Variants in ANK2 observed in about 807,000 individuals in gnomAD.
ANK2 encodes ankyrin 2, also known as ankyrin-2.
In ANK2, 83 loss-of-function variants were observed where a neutral mutation model predicts 360.5. The ratio of observed to expected loss-of-function variants is 0.23; its 90% CI spans 0.19 to 0.28. The LOEUF is 0.28. ANK2 is among the 10% of genes least tolerant of loss of function. The pLI is 1.00. For missense variants in ANK2, 4,201 were observed against 4,795.7 expected (o/e 0.88, Z 3.66); for synonymous variants, 1,740 against 1,759.5 (o/e 0.99, Z 0.28).
chr4:112,766,292 G>A, the ANK2 span, among the ~76,000 whole-genome samples: 8 of 151,398 alleles, frequency 5.3e-5, no homozygotes, highest in Non-Finnish European at 1.2e-4. Context: ...CTGCACTCCA[G>A]CCTGGCCACA....
rs536262490 is a variant in ANK2 at position 112,883,018 on chromosome 4, C to CTTTTTT, written c.-39-21404_-39-21399dup. Among the ~76,000 whole-genome samples, 21 of 30,526 alleles carry CTTTTTT rather than the reference C, an allele frequency of 6.9e-4. 1 individual carries two copies. Among genetic ancestry groups the CTTTTTT allele is most frequent in the Non-Finnish European group, 1.0e-3 (16 of 15,510 alleles). 20.0% of individuals were successfully genotyped at this position (30,526 alleles called of 152,430 possible). Reference sequence around the variant, plus strand: ...ACACTTTCTGGTTTACTTGGTTAGTCTTTTTTTTTTTTTTTTTTTTTTTTT... The same window carrying CTTTTTT: ...ACACTTTCTGGTTTACTTGGTTAGTCTTTTTTTTTTTTTTTTTTTTTTTTTTTTTTT... On this transcript the variant is annotated intron_variant, in intron 1 of 30. Coordinates refer to the ANK2 transcript ENST00000503271.
the ANK2 span, among the ~76,000 whole-genome samples, chr4:112,716,740 C>A: frequency 6.6e-6 from 1 of 152,134 alleles, no homozygotes; most frequent in Non-Finnish European, 1.5e-5. Flanking sequence ...CTCTAATAAT[C>A]TGTAAACATG....
chr4:112,888,721 C>T (rs114834125), intron 1 of ANK2, among the ~76,000 whole-genome samples: 1,943 of 152,330 alleles, frequency 0.013, 42 homozygotes, highest in African/African-American at 0.044. Flanking sequence ...GGCACTGGCA[C>T]TACCACTAGC....
At chr4:113,269,377 G>A (rs1030735554) in intron 14 of ANK2, among the ~76,000 whole-genome samples, 28 of 152,322 alleles carry the variant, frequency 1.8e-4, no homozygotes, top group Admixed American at 2.0e-4. Context: ...TCCCAGTTTT[G>A]TGCTTGAAAC....
At chr4:113,338,508 G>A (rs1478173711) in intron 31 of ANK2, among the ~76,000 whole-genome samples, 2 of 147,754 alleles carry the variant, frequency 1.4e-5, no homozygotes, top group Non-Finnish European at 3.0e-5. Flanking sequence ...CATAAAATAT[G>A]AAGTTTAAGA....
rs547502961 is a variant in ANK2 at position 113,345,712 on chromosome 4, T to C, written c.4249-188T>C. 2.0e-5 allele frequency among the ~76,000 whole-genome samples: 3 copies of C among 152,258 alleles called. No homozygotes were observed. In the South Asian group the frequency reaches 6.2e-4, roughly 32 times the overall value. ...TTTGTCTACCATACTTAAATAAGACTAAAAAAGAAAGCTGAATGATTTTTA... is the reference window on the plus strand; with the variant it reads ...TTTGTCTACCATACTTAAATAAGACCAAAAAAGAAAGCTGAATGATTTTTA... On this transcript the variant is annotated intron_variant, in intron 34 of 45. Coordinates refer to ENST00000357077, the MANE Select transcript of ANK2 (RefSeq NM_001148.6).
intron 1 of ANK2, chr4:113,150,962 T>C (rs911839451): frequency 5.4e-5 from 45 of 831,352 alleles, no homozygotes; most frequent in South Asian, 1.2e-4. Flanking sequence ...TCTATTTTCT[T>C]TGAAGTTCCT....
At chr4:113,245,711 GT>G (rs2042493186) in intron 9 of ANK2, among the ~76,000 whole-genome samples, 1 of 152,144 alleles carries the variant, frequency 6.6e-6, no homozygotes, top group African/African-American at 2.4e-5. Context: ...GATTTAGGTG[GT>G]GACGCCTAAA....
intron 2 of ANK2, among the ~76,000 whole-genome samples, chr4:113,183,734 G>A (rs1405119591): frequency 6.6e-6 from 1 of 152,012 alleles, no homozygotes; most frequent in Non-Finnish European, 1.5e-5. Context: ...TGTCTAGAAT[G>A]TGACCATGGA....
intron 20 of ANK2, among the ~76,000 whole-genome samples, chr4:113,292,170 A>C (rs909799311): frequency 6.6e-6 from 1 of 152,104 alleles, no homozygotes; most frequent in Admixed American, 6.5e-5. Flanking sequence ...GTTAAAATGT[A>C]ATAATAGTTA....
chr4:113,152,919 T>A (rs573649565), intron 1 of ANK2, among the ~76,000 whole-genome samples: 2 of 152,122 alleles, frequency 1.3e-5, no homozygotes, highest in South Asian at 4.2e-4. Context: ...ATAGTAAAAA[T>A]CTTACAATGA....
intron 14 of ANK2, among the ~76,000 whole-genome samples, chr4:113,273,758 A>G (rs911310185): frequency 6.6e-6 from 1 of 152,198 alleles, no homozygotes; most frequent in African/African-American, 2.4e-5. Context: ...CTCCTGGAAC[A>G]TGTCCTTCCT....
intron 7 of ANK2, among the ~76,000 whole-genome samples, chr4:113,239,655 A>T (rs1487200498): frequency 6.6e-6 from 1 of 152,182 alleles, no homozygotes; most frequent in Middle Eastern, 3.2e-3. Flanking sequence ...CATCAGAAAA[A>T]GAAAGAAAAG....
chr4:113,296,119 G>T (rs2153754741), intron 22 of ANK2, among the ~76,000 whole-genome samples: 1 of 152,186 alleles, frequency 6.6e-6, no homozygotes, highest in African/African-American at 2.4e-5. Flanking sequence ...TAAAGCCCAT[G>T]TTCTTAACCT....
chr4:112,981,260 A>G (rs2043034024), intron 2 of ANK2, among the ~76,000 whole-genome samples: 1 of 152,236 alleles, frequency 6.6e-6, no homozygotes, highest in Non-Finnish European at 1.5e-5. Context: ...CGGAGTAGAA[A>G]TCCTAGGCAG....
the ANK2 span, among the ~76,000 whole-genome samples, chr4:112,732,845 G>T: frequency 6.6e-6 from 1 of 152,126 alleles, no homozygotes. Flanking sequence ...ACTTTGGGAG[G>T]CTGAGGCGGG....
chr4:113,168,545 T>C (rs2097836425), intron 1 of ANK2, among the ~76,000 whole-genome samples: 1 of 152,200 alleles, frequency 6.6e-6, no homozygotes, highest in Non-Finnish European at 1.5e-5. Flanking sequence ...TAAAGAGCTG[T>C]TGAAGGACAC....
chr4:112,985,105 G>A (rs2044404806), intron 2 of ANK2, among the ~76,000 whole-genome samples: 1 of 152,162 alleles, frequency 6.6e-6, no homozygotes, highest in South Asian at 2.1e-4. Flanking sequence ...CTGTCCACCT[G>A]TATCTGCTGC....
chr4:112,958,390 G>C (rs1195030664), intron 2 of ANK2, among the ~76,000 whole-genome samples: 1 of 152,220 alleles, frequency 6.6e-6, no homozygotes. Flanking sequence ...TTAGGAGCTG[G>C]AGACCAGCCC....
Sources: allele counts gnomAD v4.1 joint callset (sites outside exome capture counted in the v4.1 genomes callset), GRCh38; gene constraint gnomAD v4.1.1; transcripts MANE v1.5; gene names NCBI Gene and HGNC (gene_info 2026-07-23, HGNC 2026-07-21).